Variants in RYR2 observed in about 807,000 individuals in gnomAD.
The protein encoded by RYR2 is cardiac muscle ryanodine receptor-calcium release channel.
A neutral mutation model predicts 601.1 loss-of-function variants in RYR2; 227 were observed. The ratio of observed to expected loss-of-function variants is 0.38; its 90% confidence interval spans 0.34 to 0.42. The LOEUF (loss-of-function observed/expected upper bound fraction) is 0.42, where lower values mean the gene tolerates loss of function less well. Ranked by LOEUF, RYR2 falls within the 10% of genes least tolerant of loss-of-function variation. The pLI is 1.00. For synonymous variants in RYR2, 2,223 were observed against 2,175.1 expected, an observed-to-expected ratio of 1.02 and a Z score of -0.61; for missense variants, 4,646 against 6,156.5, an observed-to-expected ratio of 0.75 and a Z score of 8.21.
In RYR2 at chr1:237,083,243, A is replaced by G. The variant is rs78804859; in HGVS notation, c.48+40674A>G. Among the ~76,000 whole-genome samples the G allele has an allele frequency of 4.5e-4, 69 of 152,292 alleles. No individual in the cohort carries two copies. The East Asian group carries it at 0.013, about 29-fold the overall frequency. On this transcript the variant is annotated intron_variant, in intron 1 of 104. Coordinates refer to ENST00000366574, the MANE Select transcript of RYR2 (RefSeq NM_001035.3). ...GTGAGAGAGAAAATTCCTCACGACC[A>G]TGTAGAAGTTTCCCGATAAATTTAT...
At chr1:237,771,939 C>G in intron 85 of RYR2, 73 bp from the exon 86 acceptor site, 1 of 813,142 alleles carries the variant, frequency 1.2e-6, no homozygotes, top group South Asian at 1.5e-5. Flanking sequence ...AAAGCATTTG[C>G]CTTTGGAGTT....
intron 1 of RYR2, among the ~76,000 whole-genome samples, chr1:237,045,664 T>C (rs1660482015): frequency 6.6e-6 from 1 of 152,188 alleles, no homozygotes; most frequent in African/African-American, 2.4e-5. Flanking sequence ...TATCCAAACA[T>C]ATCCATGATT....
intron 2 of RYR2, among the ~76,000 whole-genome samples, chr1:237,279,309 A>G (rs1690612710): frequency 6.6e-6 from 1 of 152,216 alleles, no homozygotes; most frequent in African/African-American, 2.4e-5. Context: ...GTTAACACAA[A>G]TCATTTTATA....
intron 56 of RYR2, among the ~76,000 whole-genome samples, chr1:237,663,213 G>A (rs498869): frequency 1 from 152,188 of 152,380 alleles, 75,999 homozygotes; most frequent in Middle Eastern, 1. Context: ...TCGTTTCTCC[G>A]TTACTTGCCT....
chr1:237,674,292 A>C (rs1685206861), intron 59 of RYR2, 73 bp downstream of exon 59: 3 of 1,211,108 alleles, frequency 2.5e-6, no homozygotes, highest in Non-Finnish European at 3.6e-6. Flanking sequence ...ATCATATTTA[A>C]AGCTGAAAAT....
intron 2 of RYR2, among the ~76,000 whole-genome samples, chr1:237,285,881 T>C (rs149501900): frequency 1.3e-5 from 2 of 152,322 alleles, no homozygotes; most frequent in African/African-American, 4.8e-5. Context: ...ATTTCCCGTT[T>C]TGTTTCTTAA....
intron 73 of RYR2, among the ~76,000 whole-genome samples, chr1:237,720,382 A>G (rs1379619906): frequency 1.3e-5 from 2 of 152,224 alleles, no homozygotes. Context: ...ACATGCCTTT[A>G]CCATATTCAC....
At chr1:237,802,627 A>G (rs1660107910) in intron 98 of RYR2, among the ~76,000 whole-genome samples, 1 of 152,194 alleles carries the variant, frequency 6.6e-6, no homozygotes, top group Non-Finnish European at 1.5e-5. Flanking sequence ...AGAACCATAA[A>G]CTATTAATAC....
chr1:237,470,338 G>C (rs1489069958), intron 17 of RYR2, among the ~76,000 whole-genome samples: 2 of 152,148 alleles, frequency 1.3e-5, no homozygotes, highest in Non-Finnish European at 2.9e-5. Context: ...GACCCACTCA[G>C]GGACAGGTTT....
chr1:237,618,570 T>C (rs534002189), intron 38 of RYR2, among the ~76,000 whole-genome samples: 49 of 152,248 alleles, frequency 3.2e-4, no homozygotes, highest in African/African-American at 1.2e-3. Context: ...GAAACACCAA[T>C]GGGCATAGAC....
rs188555721 is a variant in RYR2 at position 237,118,761 on chromosome 1, G to A, written c.48+76192G>A. Among the ~76,000 whole-genome samples, 4 of 151,978 alleles carry A rather than the reference G, an allele frequency of 2.6e-5. No individual in the cohort carries two copies. In the East Asian group the frequency reaches 7.8e-4, roughly 30 times the overall value. The stretch of plus-strand genomic sequence containing the variant: ...TGGGACTACAGGCATGGACCACCAC[G>A]CCTGTAGTGATACCATGTTTAGTTA... On this transcript the variant is annotated intron_variant, in intron 1 of 104. Coordinates refer to ENST00000366574, the MANE Select transcript of RYR2 (RefSeq NM_001035.3).
intron 11 of RYR2, among the ~76,000 whole-genome samples, chr1:237,422,069 G>C (rs994588047): frequency 5.9e-5 from 9 of 152,036 alleles, no homozygotes; most frequent in African/African-American, 2.2e-4. Flanking sequence ...ACTTTGCATG[G>C]TACGGTGTTA....
chr1:237,344,199 C>A (rs1698090972), intron 3 of RYR2, among the ~76,000 whole-genome samples: 1 of 152,132 alleles, frequency 6.6e-6, no homozygotes, highest in Non-Finnish European at 1.5e-5. Context: ...TGGGTGAATC[C>A]AGCTAATGAT....
At chr1:237,536,202 C>A (rs1668590505) in intron 25 of RYR2, among the ~76,000 whole-genome samples, 1 of 152,194 alleles carries the variant, frequency 6.6e-6, no homozygotes, top group Non-Finnish European at 1.5e-5. Context: ...CTTAACCTTG[C>A]TTTATTTCTT....
chr1:237,795,552 G>A (rs895110634), intron 96 of RYR2, among the ~76,000 whole-genome samples: 3 of 151,846 alleles, frequency 2.0e-5, no homozygotes, highest in Admixed American at 6.6e-5. Flanking sequence ...CCCAGTTCAA[G>A]CAATTCTCCT....
At chr1:237,426,400 G>GT (rs1247187026) in intron 12 of RYR2, among the ~76,000 whole-genome samples, 9 of 152,192 alleles carry the variant, frequency 5.9e-5, no homozygotes, top group African/African-American at 2.2e-4. Context: ...CCTTGTCTCT[G>GT]TAACTGGAAA....
intron 57 of RYR2, among the ~76,000 whole-genome samples, chr1:237,667,058 A>T (rs2148874932): frequency 1.3e-5 from 2 of 152,342 alleles, no homozygotes; most frequent in South Asian, 4.1e-4. Context: ...TGCAAGGGCC[A>T]CCTTCTTTTA....
At chr1:237,126,937 C>T (rs922452697) in intron 1 of RYR2, among the ~76,000 whole-genome samples, 38 of 151,790 alleles carry the variant, frequency 2.5e-4, no homozygotes, top group African/African-American at 3.9e-4. Context: ...TGTGGCCTTC[C>T]GCAGTGTTTG....
At chr1:237,128,905 G>A (rs973648684) in intron 1 of RYR2, among the ~76,000 whole-genome samples, 1 of 151,972 alleles carries the variant, frequency 6.6e-6, no homozygotes, top group African/African-American at 2.4e-5. Flanking sequence ...AGTAGAAAAG[G>A]TGTTAAAGAA....
Sources: gnomAD v4.1 joint callset for allele counts (sites outside exome capture counted in the v4.1 genomes callset) on GRCh38, gnomAD v4.1.1 for gene constraint, MANE v1.5 for transcripts, NCBI Gene and HGNC (gene_info 2026-07-23, HGNC 2026-07-21) for gene names.